The following PSAPL1 variants were observed in gnomAD, a reference collection of about 807,000 sequenced individuals.
PSAPL1 encodes the protein proactivator polypeptide-like 1.
For missense variants in PSAPL1, 814 were observed against 688.8 expected (o/e 1.18, Z -2.03); for synonymous variants, 351 against 291.6 (o/e 1.20, Z -2.08).
chr4:7,431,364 G>C lies in PSAPL1; in HGVS notation c.*1950C>G, dbSNP rs74563302. 25,004 of 152,344 alleles carry C rather than the reference G, an allele frequency of 0.16. 2,139 individuals are homozygous for C. Among genetic ancestry groups the C allele is most frequent in the Middle Eastern group, 0.28 (82 of 294 alleles). The allele number at this position is 152,344 out of a possible 1,614,324, so 9.4% of individuals were successfully genotyped here. A position where few individuals can be genotyped will look rare whatever the true frequency, so the allele number is the denominator to read the frequency against. On this transcript the variant is annotated 3_prime_UTR_variant, in exon 1 of 1. Transcript: ENST00000319098. The stretch of plus-strand genomic sequence containing the variant: ...AGCTGGGCCACCTGGCAGGTGTGGC[G>C]CTTGCCCTCTCCCGGCCTCTCCCAG...
At position 7,434,865 on chromosome 4, in the gene PSAPL1, C is replaced by T; in HGVS notation, c.15G>A (p.Leu5=). The T allele has an allele frequency of 1.9e-6, 3 of 1,572,508 alleles. No individual in the cohort carries two copies. Among genetic ancestry groups the T allele is most frequent in the Non-Finnish European group, 2.6e-6 (3 of 1,160,012 alleles). The change falls in exon 1 of 1, where the codon CTG becomes CTA. Residue 5 remains leucine (L), a synonymous_variant. Transcript: ENST00000319098. ...CCCCCAGGAGGCTGGGCAGGAGGAGCAGGGCACACAGCATGCTGCCCAGGG... is the reference window on the plus strand; with the variant it reads ...CCCCCAGGAGGCTGGGCAGGAGGAGTAGGGCACACAGCATGCTGCCCAGGG... MLCA[L]LLLPSLLGAT...
Position 7,434,736 on chromosome 4 carries a change from G to A in PSAPL1, c.144C>T (p.Tyr48=), listed in dbSNP as rs1359797015. The part of the protein sequence containing the change: ...QTAARCGAVG[Y]CQGAVWNKPT... ...GTTTGTTCCATACGGCCCCTTGGCA[G>A]TACCCCACAGCCCCGCACCTGGCAG... Residue 48 remains tyrosine, a synonymous_variant, in exon 1 of 1, where the codon TAC becomes TAT. Transcript: ENST00000319098. 1.2e-6 allele frequency: 2 copies of A among 1,613,040 alleles called. No individual in the cohort carries two copies. The highest frequency in any genetic ancestry group is 1.1e-5 in the South Asian group (1 of 90,858).
rs200948890 is a variant in PSAPL1, at chr4:7,434,399, C to A, written c.481G>T (p.Ala161Ser). Residue 161 changes from alanine (A) to serine (S), a missense_variant, in exon 1 of 1, where the codon GCT (alanine) becomes TCT (serine). By Grantham distance (99) the Ala-to-Ser change is moderately conservative (BLOSUM62 1). Coordinates refer to ENST00000319098, the MANE Select transcript of PSAPL1 (RefSeq NM_001085382.2). ...RPLSKEDTFEAVAPFMANGPL... is the reference protein window; with the variant it reads ...RPLSKEDTFESVAPFMANGPL... The stretch of plus-strand genomic sequence containing the variant: ...CCATTGGCCATGAACGGAGCCACAG[C>A]CTCAAAGGTGTCCTCTTTGGAGAGT... 17 of 1,607,712 alleles carry A rather than the reference C, an allele frequency of 1.1e-5. No homozygotes were observed. In the East Asian group the frequency reaches 2.9e-4, roughly 28 times the overall value.
chr4:7,433,922 C>A lies in PSAPL1; in HGVS notation c.958G>T (p.Ala320Ser). 1 of 1,613,848 alleles carries A rather than the reference C, an allele frequency of 6.2e-7. No individual in the cohort carries two copies. The highest frequency in any genetic ancestry group is 8.5e-7 in the Non-Finnish European group (1 of 1,179,890). The change falls in exon 1 of 1, where the codon GCC becomes TCC. Residue 320 changes from alanine (A) to serine (S), a missense_variant. Ala to Ser is a moderately conservative substitution (Grantham distance 99). Coordinates refer to ENST00000319098, the MANE Select transcript of PSAPL1 (RefSeq NM_001085382.2). ...ATTACCGAGCACACGCGCTCCAGGG[C>A]ATGGGTGATCATGAGCTCAGAGCTG... The part of the protein sequence containing the change: ...SNSSELMITH[A>S]LERVCSVMPA...
rs767506546 is a variant in PSAPL1, at chr4:7,433,428, C to T, written c.1452G>A (p.Leu484=). Reference sequence around the variant, plus strand: ...GGCTCCTGCACCAGAAGCTTGGGCCCAGGGCACACTGGTCGGTGCCCAGCA... The same window carrying T: ...GGCTCCTGCACCAGAAGCTTGGGCCTAGGGCACACTGGTCGGTGCCCAGCA... The part of the protein sequence containing the change: ...TPLLGTDQCA[L]GPSFWCRSQE... The change falls in exon 1 of 1, where the codon CTG becomes CTA. Residue 484 remains leucine, a synonymous_variant. Transcript: ENST00000319098. The T allele has an allele frequency of 4.1e-5, 62 of 1,523,220 alleles. 1 individual carries two copies. The highest frequency in any genetic ancestry group is 1.8e-4 in the East Asian group (8 of 43,602). 94.4% of individuals were successfully genotyped at this position (1,523,220 alleles called of 1,614,324 possible).
the PSAPL1 span, chr4:7,434,486 G>A: frequency 9.9e-6 from 16 of 1,611,842 alleles, no homozygotes; most frequent in Non-Finnish European, 1.3e-5. Flanking sequence ...GTGCACACCT[G>A]TGCCGGGGCA....
chr4:7,433,933 A>G lies in PSAPL1; in HGVS notation c.947T>C (p.Met316Thr). The change falls in exon 1 of 1, where the codon ATG becomes ACG. Residue 316 changes from methionine to threonine, a missense_variant. Coordinates refer to ENST00000319098, the MANE Select transcript of PSAPL1 (RefSeq NM_001085382.2). The stretch of plus-strand genomic sequence containing the variant: ...CACGCGCTCCAGGGCATGGGTGATC[A>G]TGAGCTCAGAGCTGTTGGACATGAG... ...HWLMSNSSEL[M>T]ITHALERVCS... 2 of 1,613,878 alleles carry G rather than the reference A, an allele frequency of 1.2e-6. No individual in the cohort carries two copies. Among genetic ancestry groups the G allele is most frequent in the Non-Finnish European group, 1.7e-6 (2 of 1,179,892 alleles).
chr4:7,434,530 G>A lies in PSAPL1; in HGVS notation c.350C>T (p.Ala117Val). The stretch of plus-strand genomic sequence containing the variant: ...GGCCCCACGGAGCATGCTCAGGATG[G>A]CCGAACTGTGGGCATCCACCATCCA... ...CKWMVDAHSS[A>V]ILSMLRGAPD... is the part of the protein sequence containing the mutation. Residue 117 changes from alanine (A) to valine (V), a missense_variant, in exon 1 of 1, where the codon GCC (alanine) becomes GTC (valine). Ala to Val is a moderately conservative substitution (Grantham distance 64, BLOSUM62 0). Transcript: ENST00000319098. 6.2e-7 allele frequency: 1 copy of A among 1,613,084 alleles called. No individual in the cohort carries two copies. The highest frequency in any genetic ancestry group is 8.5e-7 in the Non-Finnish European group (1 of 1,179,854).
chr4:7,433,902 C>A lies in PSAPL1; in HGVS notation c.978G>T (p.Ser326=). ...CCTTCGTGATAGAGGCAGGCATTACCGAGCACACGCGCTCCAGGGCATGGG... is the reference window on the plus strand; with the variant it reads ...CCTTCGTGATAGAGGCAGGCATTACAGAGCACACGCGCTCCAGGGCATGGG... The part of the protein sequence containing the change: ...MITHALERVC[S]VMPASITKEC... The change falls in exon 1 of 1, where the codon TCG becomes TCT. Residue 326 remains serine, a synonymous_variant. Transcript: ENST00000319098. The A allele has an allele frequency of 6.2e-7, 1 of 1,613,860 alleles. No homozygotes were observed. The highest frequency in any genetic ancestry group is 8.5e-7 in the Non-Finnish European group (1 of 1,179,902).
chr4:7,433,100 C>T lies in PSAPL1; in HGVS notation c.*214G>A, dbSNP rs987881110. ...GGGAGCGGGGCACATGAGTGTGTTCCGGTCCAGTAGAGATGCTTTCAAGGG... is the reference window on the plus strand; with the variant it reads ...GGGAGCGGGGCACATGAGTGTGTTCTGGTCCAGTAGAGATGCTTTCAAGGG... On this transcript the variant is annotated 3_prime_UTR_variant, in exon 1 of 1. Transcript: ENST00000319098. The T allele has an allele frequency of 2.1e-5, 9 of 420,904 alleles. No individual in the cohort carries two copies. Among genetic ancestry groups the T allele is most frequent in the South Asian group, 1.2e-4 (1 of 8,084 alleles). The allele number at this position is 420,904 out of a possible 1,614,324, so 26.1% of individuals were successfully genotyped here. A position where few individuals can be genotyped will look rare whatever the true frequency, so the allele number is the denominator to read the frequency against.
rs754320579 is a variant in PSAPL1 at position 7,434,772 on chromosome 4, A to T, written c.108T>A (p.Asp36Glu). ...CAKGSTVWCQ[D>E]LQTAARCGAV... is the part of the protein sequence containing the mutation. The stretch of plus-strand genomic sequence containing the variant: ...CCCCGCACCTGGCAGCTGTCTGCAG[A>T]TCCTGACACCACACCGTGGAGCCCT... The change falls in exon 1 of 1, where the codon GAT becomes GAA. Residue 36 changes from aspartate to glutamate, a missense_variant. Transcript: ENST00000319098. 1.6e-5 allele frequency: 26 copies of T among 1,612,480 alleles called. No individual in the cohort carries two copies. The highest frequency in any genetic ancestry group is 2.2e-5 in the Non-Finnish European group (26 of 1,179,502).
In PSAPL1 at chr4:7,434,433, G is replaced by A; in HGVS notation, c.447C>T (p.Thr149=). Residue 149 remains threonine (T), a synonymous_variant, in exon 1 of 1, where the codon ACC becomes ACT. Transcript: ENST00000319098. The part of the protein sequence containing the change: ...LCEPLQRHLA[T]LRPLSKEDTF... ...TGTCCTCTTTGGAGAGTGGCCTCAG[G>A]GTGGCCAGGTGCCTCTGCAGCGGCT... The A allele has an allele frequency of 6.2e-7, 1 of 1,609,428 alleles. No homozygotes were observed. The highest frequency in any genetic ancestry group is 8.5e-7 in the Non-Finnish European group (1 of 1,178,680).
rs774070372 is a variant in PSAPL1 at position 7,433,524 on chromosome 4, A to G, written c.1356T>C (p.Ser452=). ...VTQYEPVLIE[S]LKDMMDPVAV... is the part of the protein sequence containing the mutation. ...CCACGGGGTCCATCATGTCCTTGAG[A>G]CTCTCAATGAGCACGGGCTCGTACT... Residue 452 remains serine, a synonymous_variant, in exon 1 of 1, where the codon AGT becomes AGC. Transcript: ENST00000319098. 11 of 1,608,404 alleles carry G rather than the reference A, an allele frequency of 6.8e-6. No homozygotes were observed. The highest frequency in any genetic ancestry group is 2.2e-5 in the South Asian group (2 of 90,242).
At position 7,433,477 on chromosome 4, in the gene PSAPL1, G is replaced by A. The variant is rs761604402; in HGVS notation, c.1403C>T (p.Ala468Val). 7.6e-6 allele frequency: 12 copies of A among 1,579,212 alleles called. No individual in the cohort carries two copies. Among genetic ancestry groups the A allele is most frequent in the African/African-American group, 1.3e-5 (1 of 74,098 alleles). The change falls in exon 1 of 1, where the codon GCC becomes GTC. Residue 468 changes from alanine to valine, a missense_variant. Physicochemically the swap from Ala to Val is moderately conservative, Grantham distance 64. Coordinates refer to ENST00000319098, the MANE Select transcript of PSAPL1 (RefSeq NM_001085382.2). Reference protein sequence around the residue: ...DPVAVCKKVGACHGPRTPLLG... With the variant: ...DPVAVCKKVGVCHGPRTPLLG... ...CAGTGGGGTCCTGGGGCCGTGGCAGGCCCCCACCTTCTTGCACACAGCCAC... is the reference window on the plus strand; with the variant it reads ...CAGTGGGGTCCTGGGGCCGTGGCAGACCCCCACCTTCTTGCACACAGCCAC...
At position 7,434,612 on chromosome 4, in the gene PSAPL1, A is replaced by C; in HGVS notation, c.268T>G (p.Leu90Val). Residue 90 changes from leucine to valine, a missense_variant, in exon 1 of 1, where the codon TTG becomes GTG. By Grantham distance (32) the Leu-to-Val change is conservative (BLOSUM62 1). Transcript: ENST00000319098. ...PDATESDILA[L>V]VMKTCEWLPS... ...AGCCACTCACAGGTCTTCATCACCA[A>C]AGCCAGGATGTCAGACTCCGTGGCG... 1 of 1,613,416 alleles carries C rather than the reference A, an allele frequency of 6.2e-7. No homozygotes were observed. The highest frequency in any genetic ancestry group is 8.5e-7 in the Non-Finnish European group (1 of 1,179,732).
the PSAPL1 span, chr4:7,434,033 G>A: frequency 6.2e-7 from 1 of 1,611,616 alleles, no homozygotes; most frequent in South Asian, 1.1e-5. Flanking sequence ...ATCTCGCTCT[G>A]TTTCCTTGGC....
In PSAPL1 at chr4:7,433,268, A is replaced by G; in HGVS notation, c.*46T>C. 7.5e-7 allele frequency: 1 copy of G among 1,337,712 alleles called. No homozygotes were observed. Among genetic ancestry groups the G allele is most frequent in the South Asian group, 2.5e-5 (1 of 40,412 alleles). The allele number at this position is 1,337,712 out of a possible 1,614,324, so 82.9% of individuals were successfully genotyped here. A position where few individuals can be genotyped will look rare whatever the true frequency, so the allele number is the denominator to read the frequency against. The stretch of plus-strand genomic sequence containing the variant: ...TGAAATGGGGATGGGGAAAGCACCC[A>G]CCTCATGGGCCTCGCTAGCAGGCTC... On this transcript the variant is annotated 3_prime_UTR_variant, in exon 1 of 1. Coordinates refer to ENST00000319098, the MANE Select transcript of PSAPL1 (RefSeq NM_001085382.2).
At position 7,431,456 on chromosome 4, in the gene PSAPL1, G is replaced by A. The variant is rs10030127; in HGVS notation, c.*1858C>T. Reference sequence around the variant, plus strand: ...CCGGTAGGCATCCTCCCGACTCACAGCCAAGCCAGAGGAGGGCCTATGGCT... The same window carrying A: ...CCGGTAGGCATCCTCCCGACTCACAACCAAGCCAGAGGAGGGCCTATGGCT... On this transcript the variant is annotated 3_prime_UTR_variant, in exon 1 of 1. Transcript: ENST00000319098. The A allele has an allele frequency of 0.96, 146,110 of 152,322 alleles. 70,240 individuals are homozygous for A. Among genetic ancestry groups the A allele is most frequent in the South Asian group, 0.99 (4,775 of 4,832 alleles). The allele number at this position is 152,322 out of a possible 1,614,324, so 9.4% of individuals were successfully genotyped here.
Position 7,434,125 on chromosome 4 carries a change from C to T in PSAPL1, c.755G>A (p.Gly252Glu), listed in dbSNP as rs201944936. 9 of 1,612,816 alleles carry T rather than the reference C, an allele frequency of 5.6e-6. No individual in the cohort carries two copies. Among genetic ancestry groups the T allele is most frequent in the East Asian group, 2.2e-5 (1 of 44,864 alleles). Residue 252 changes from glycine (G) to glutamate (E), a missense_variant, in exon 1 of 1, where the codon GGA (glycine) becomes GAA (glutamate). Physicochemically the swap from Gly to Glu is moderately conservative, Grantham distance 98. Coordinates refer to ENST00000319098, the MANE Select transcript of PSAPL1 (RefSeq NM_001085382.2). ...AGGTGCCCCTAGCTCCTCACAGAAT[C>T]CCCCCTTCCTGCAGAGCTCCTGCGG... ...LPPQELCRKG[G>E]FCEELGAPAR...
Sources: allele counts gnomAD v4.1 joint callset, GRCh38; gene constraint gnomAD v4.1.1; transcripts MANE v1.5; gene names NCBI Gene and HGNC (gene_info 2026-07-23, HGNC 2026-07-21).